The following IL10 variants were observed in gnomAD, a reference collection of about 807,000 sequenced individuals.
IL10 encodes interleukin 10.
IL10 carries 7 observed loss-of-function variants against 21.0 expected under a neutral mutation model. The observed-to-expected ratio is 0.33, with a 90% CI of 0.19 to 0.63. IL10 has a LOEUF of 0.63. Ranked by LOEUF, IL10 falls within the 20% of genes least tolerant of loss-of-function variation. The pLI, the probability that IL10 is intolerant of heterozygous loss-of-function variation, is 0.77. For synonymous variants in IL10, 83 were observed against 79.7 expected, an observed-to-expected ratio of 1.04 and a Z score of -0.22; for missense variants, 161 against 213.0, an observed-to-expected ratio of 0.76 and a Z score of 1.52.
In IL10 at chr1:206,772,127, G is replaced by T; in HGVS notation, c.165+144C>A. 3.9e-6 allele frequency: 3 copies of T among 765,668 alleles called. No homozygotes were observed. The South Asian group carries it at 4.5e-5, about 11-fold the overall frequency. 47.4% of individuals were successfully genotyped at this position (765,668 alleles called of 1,614,324 possible). A position where few individuals can be genotyped will look rare whatever the true frequency, so the allele number is the denominator to read the frequency against. On this transcript the variant is annotated intron_variant, in intron 1 of 4. Coordinates refer to ENST00000423557, the MANE Select transcript of IL10 (RefSeq NM_000572.3). ...TCACCAAACCCATGGCTTGATCTAG[G>T]ATTCTCTTAAGAATTTAAGTTTGGG...
Position 206,772,391 on chromosome 1 carries a change from C to T in IL10, c.45G>A (p.Gly15=). The T allele has an allele frequency of 2.5e-6, 4 of 1,614,050 alleles. No individual in the cohort carries two copies. Among genetic ancestry groups the T allele is most frequent in the Non-Finnish European group, 2.5e-6 (3 of 1,179,926 alleles). The part of the protein sequence containing the change: ...ALLCCLVLLT[G]VRASPGQGTQ... ...TGCCCTGGCCTGGGCTGGCCCTCAC[C>T]CCAGTCAGGAGGACCAGGCAACAGA... Residue 15 remains glycine, a synonymous_variant, in exon 1 of 5, where the codon GGG becomes GGA. Coordinates refer to ENST00000423557, the MANE Select transcript of IL10 (RefSeq NM_000572.3).
chr1:206,771,297 G>C, intron 2 of IL10, 59 bp downstream of exon 2: 1 of 1,460,176 alleles, frequency 6.8e-7, no homozygotes, highest in Non-Finnish European at 9.6e-7. Flanking sequence ...TCAGGAAGCA[G>C]AGTCTCCCTT....
intron 3 of IL10, 60 bp downstream of exon 3, chr1:206,770,847 G>T: frequency 1.3e-6 from 2 of 1,514,584 alleles, no homozygotes; most frequent in Non-Finnish European, 1.8e-6. Flanking sequence ...GTCCCTGCTG[G>T]TCTGTAGGAG....
At chr1:206,769,670 T>G (rs1674763438) in intron 4 of IL10, 159 bp downstream of exon 4, 2 of 704,392 alleles carry the variant, frequency 2.8e-6, no homozygotes, top group Non-Finnish European at 5.3e-6. Flanking sequence ...AGGCAGCAGC[T>G]CCTCACTGGC....
chr1:206,768,502 G>T lies in IL10; in HGVS notation c.*134C>A. ...TAGAAATGGGGGTTGAGGTATCAGAGGTAATAAATATTCTATAAGAGAGGT... is the reference window on the plus strand; with the variant it reads ...TAGAAATGGGGGTTGAGGTATCAGATGTAATAAATATTCTATAAGAGAGGT... On this transcript the variant is annotated 3_prime_UTR_variant, in exon 5 of 5. Transcript: ENST00000423557. 1.5e-6 allele frequency: 1 copy of T among 667,436 alleles called. No individual in the cohort carries two copies. The highest frequency in any genetic ancestry group is 1.6e-5 in the South Asian group (1 of 61,582). 41.3% of individuals were successfully genotyped at this position (667,436 alleles called of 1,614,324 possible).
intron 2 of IL10, 127 bp downstream of exon 2, chr1:206,771,229 T>G (rs1674827056): frequency 1.7e-6 from 2 of 1,153,470 alleles, no homozygotes; most frequent in East Asian, 4.7e-5. Flanking sequence ...ATGTGCTGAG[T>G]TAACATCTTC....
chr1:206,770,491 CCTT>C, intron 3 of IL10: 1 of 264,578 alleles, frequency 3.8e-6, no homozygotes, highest in East Asian at 9.1e-5. Context: ...TCAATTGGGC[CCTT>C]CTTAGAGCTT....
In IL10 at chr1:206,768,634, T is replaced by A. The variant is rs201661909; in HGVS notation, c.*2A>T. On this transcript the variant is annotated 3_prime_UTR_variant, in exon 5 of 5. Transcript: ENST00000423557. ...AGTCTATAGAGTCGCCACCCTGATG[T>A]CTCAGTTTCGTATCTTCATTGTCAT... is the stretch of plus-strand genomic sequence containing the variant. The A allele has an allele frequency of 2.3e-5, 36 of 1,561,370 alleles. No homozygotes were observed. The highest frequency in any genetic ancestry group is 3.0e-5 in the Non-Finnish European group (34 of 1,132,092).
intron 2 of IL10, 127 bp from the exon 3 acceptor site, chr1:206,771,186 G>A: frequency 8.2e-7 from 1 of 1,222,062 alleles, no homozygotes; most frequent in Non-Finnish European, 1.2e-6. Flanking sequence ...TCCCCGAAGG[G>A]ACTGAGCCCT....
rs574072199 is a variant in IL10, at chr1:206,770,746, G to C, written c.378+161C>G. Among the ~76,000 whole-genome samples, 5 of 152,302 alleles carry C rather than the reference G, an allele frequency of 3.3e-5. No homozygotes were observed. The South Asian group carries it at 1.0e-3, about 32-fold the overall frequency. On this transcript the variant is annotated intron_variant, in intron 3 of 4. Transcript: ENST00000423557. ...GCCACCCCCAACGCCTGCTCAAAGAGAAATGAGCAAGAGATCTGACTCCAG... is the reference window on the plus strand; with the variant it reads ...GCCACCCCCAACGCCTGCTCAAAGACAAATGAGCAAGAGATCTGACTCCAG...
intron 4 of IL10, 71 bp downstream of exon 4, chr1:206,769,758 C>T: frequency 8.3e-7 from 1 of 1,200,590 alleles, no homozygotes; most frequent in Admixed American, 1.7e-5. Flanking sequence ...CCACCACCTT[C>T]CATGCTTTGG....
At chr1:206,768,850 C>T (rs1325749979) in intron 4 of IL10, 122 bp from the exon 5 acceptor site, 3 of 712,008 alleles carry the variant, frequency 4.2e-6, no homozygotes, top group Non-Finnish European at 7.7e-6. Context: ...CTCCCTCACG[C>T]TGGGAAGTAA....
chr1:206,770,422 T>C, intron 3 of IL10: 3 of 268,436 alleles, frequency 1.1e-5, no homozygotes, highest in Non-Finnish European at 1.5e-5. Flanking sequence ...TCATAGACAC[T>C]AGCCTGGGGA....
At chr1:206,768,978 C>G (rs1201173088) in intron 4 of IL10, among the ~76,000 whole-genome samples, 1 of 152,096 alleles carries the variant, frequency 6.6e-6, no homozygotes. Flanking sequence ...AAAATGATGC[C>G]TTTTCAACAA....
chr1:206,769,574 G>A lies in IL10; in HGVS notation c.444+255C>T, dbSNP rs956449092. ...AGCTCACTGTGTTCACAGGCTGGCC[G>A]GCCAGCCTAACCCGCAAGCCTGCAA... On this transcript the variant is annotated intron_variant, in intron 4 of 4. Transcript: ENST00000423557. 7.1e-5 allele frequency: 41 copies of A among 574,158 alleles called. No individual in the cohort carries two copies. In the East Asian group the frequency reaches 9.3e-4, roughly 13 times the overall value. 35.6% of individuals were successfully genotyped at this position (574,158 alleles called of 1,614,324 possible).
chr1:206,768,899 C>G lies in IL10; in HGVS notation c.445-171G>C, dbSNP rs45611331. Among the ~76,000 whole-genome samples the G allele has an allele frequency of 3.9e-5, 6 of 152,254 alleles. No homozygotes were observed. In the South Asian group the frequency reaches 8.3e-4, roughly 21 times the overall value. On this transcript the variant is annotated intron_variant, in intron 4 of 4. Transcript: ENST00000423557. ...CCTAGCTGCCTTGGGAAAGGCTGTG[C>G]ATTGACCTTCATCTCCTCCAGGCCT...
chr1:206,769,916 G>A, intron 3 of IL10, 22 bp from the exon 4 acceptor site: 1 of 1,606,574 alleles, frequency 6.2e-7, no homozygotes, highest in African/African-American at 1.3e-5. Flanking sequence ...AAGAGAAAGT[G>A]TTGGTGATCC....
intron 1 of IL10, 56 bp from the exon 2 acceptor site, chr1:206,771,471 C>A (rs375621255): frequency 4.2e-6 from 6 of 1,428,558 alleles, no homozygotes; most frequent in East Asian, 4.9e-5. Context: ...AACTGAAATG[C>A]GGTCTTTTTG....
chr1:206,771,719 A>G (rs1674850055), intron 1 of IL10, among the ~76,000 whole-genome samples: 1 of 152,220 alleles, frequency 6.6e-6, no homozygotes, highest in African/African-American at 2.4e-5. Context: ...AGGGACACCT[A>G]TGTCAACCCT....
Sources: gnomAD v4.1 joint callset for allele counts (sites outside exome capture counted in the v4.1 genomes callset) on GRCh38, gnomAD v4.1.1 for gene constraint, MANE v1.5 for transcripts, NCBI Gene and HGNC (gene_info 2026-07-23, HGNC 2026-07-21) for gene names.